FAM114A2: variants seen among roughly 807,000 people sequenced by gnomAD.
FAM114A2 encodes family with sequence similarity 114 member A2, also known as protein FAM114A2.
Under a neutral mutation model 58.4 loss-of-function variants are expected in FAM114A2, and 53 were observed. The observed-to-expected ratio is 0.91, with a 90% CI of 0.73 to 1.14. FAM114A2 has a LOEUF of 1.14. Among genes scored for constraint, FAM114A2 ranks in the 50% most tolerant of loss-of-function variants. The pLI, the probability that FAM114A2 is intolerant of heterozygous loss-of-function variation, is 0.00. For synonymous variants in FAM114A2, 228 were observed against 211.4 expected, an observed-to-expected ratio of 1.08 and a Z score of -0.68; for missense variants, 601 against 581.1, an observed-to-expected ratio of 1.03 and a Z score of -0.35.
At chr5:154,037,419 T>C (rs1353130668) in intron 1 of FAM114A2, 1 of 152,204 alleles carries the variant, frequency 6.6e-6, no homozygotes, top group Non-Finnish European at 1.5e-5. Flanking sequence ...CAAACATTTT[T>C]TGAGTACCTA....
Position 154,007,536 on chromosome 5 carries a change from C to G in FAM114A2, c.993+3705G>C, listed in dbSNP as rs142781244. On this transcript the variant is annotated intron_variant, in intron 9 of 13. Coordinates refer to ENST00000351797, the MANE Select transcript of FAM114A2 (RefSeq NM_018691.4). ...CTTAACCAATCTACATCTTAAGTCT[C>G]AATGCCTAAAATTTAAACAATCTGA... Among the ~76,000 whole-genome samples, 528 of 152,248 alleles carry G rather than the reference C, an allele frequency of 3.5e-3. 7 individuals are homozygous for G. The highest frequency in any genetic ancestry group is 0.012 in the African/African-American group (501 of 41,554).
intron 11 of FAM114A2, among the ~76,000 whole-genome samples, chr5:153,998,370 T>C (rs1457952684): frequency 6.6e-6 from 1 of 152,200 alleles, no homozygotes; most frequent in South Asian, 2.1e-4. Context: ...AAAATTCATG[T>C]TGAAATTTGA....
chr5:154,013,184 T>C (rs997385042), intron 8 of FAM114A2, among the ~76,000 whole-genome samples: 16 of 152,186 alleles, frequency 1.1e-4, no homozygotes, highest in African/African-American at 3.9e-4. Flanking sequence ...AAAAAGTAGT[T>C]ATTGCATTAG....
At chr5:154,024,108 T>C (rs117811973) in intron 8 of FAM114A2, among the ~76,000 whole-genome samples, 1 of 152,116 alleles carries the variant, frequency 6.6e-6, no homozygotes, top group Non-Finnish European at 1.5e-5. Flanking sequence ...GATGAACAGA[T>C]AAATGAACAG....
At chr5:154,007,565 T>C (rs1031927449) in intron 9 of FAM114A2, among the ~76,000 whole-genome samples, 9 of 152,140 alleles carry the variant, frequency 5.9e-5, no homozygotes, top group Non-Finnish European at 7.4e-5. Context: ...AATCTGAAGA[T>C]TGCTTTCAGA....
chr5:154,013,307 G>A lies in FAM114A2; in HGVS notation c.914-1987C>T, dbSNP rs555048175. ...GGAGTCAGGTACATATGGTAGAGGG[G>A]CAAGAGCCCAGGATGCTCATGGAAA... is the stretch of plus-strand genomic sequence containing the variant. On this transcript the variant is annotated intron_variant, in intron 8 of 13. Coordinates refer to ENST00000351797, the MANE Select transcript of FAM114A2 (RefSeq NM_018691.4). Among the ~76,000 whole-genome samples, 4 of 152,300 alleles carry A rather than the reference G, an allele frequency of 2.6e-5. No homozygotes were observed. The South Asian group carries it at 8.3e-4, about 32-fold the overall frequency.
intron 9 of FAM114A2, 107 bp downstream of exon 9, chr5:154,011,134 C>T: frequency 1.2e-6 from 1 of 807,982 alleles, no homozygotes; most frequent in South Asian, 1.7e-5. Flanking sequence ...CGAGAATATA[C>T]CTTCGATTTT....
chr5:154,026,412 T>C lies in FAM114A2; in HGVS notation c.900A>G (p.Glu300=). The stretch of plus-strand genomic sequence containing the variant: ...TTTTCATATTACCTTTTTTCTCTTC[T>C]TCCTCTTCTTCACAAAATTCTGCTA... ...FSLAEFCEEE[E]EEKKGDEDFT... Residue 300 remains glutamate (E), a synonymous_variant, in exon 8 of 14, where the codon GAA becomes GAG. Coordinates refer to ENST00000351797, the MANE Select transcript of FAM114A2 (RefSeq NM_018691.4). 6 of 1,575,812 alleles carry C rather than the reference T, an allele frequency of 3.8e-6. No individual in the cohort carries two copies. The highest frequency in any genetic ancestry group is 5.2e-6 in the Non-Finnish European group (6 of 1,164,890).
rs550689627 is a variant in FAM114A2, at chr5:154,003,089, C to T, written c.994-120G>A. 5.0e-6 allele frequency: 4 copies of T among 798,732 alleles called. No homozygotes were observed. The African/African-American group carries it at 6.9e-5, about 14-fold the overall frequency. The allele number at this position is 798,732 out of a possible 1,614,324, so 49.5% of individuals were successfully genotyped here. On this transcript the variant is annotated intron_variant, in intron 9 of 13. Coordinates refer to ENST00000351797, the MANE Select transcript of FAM114A2 (RefSeq NM_018691.4). ...GGCTCCTGTTCTTACCTGAACGTAC[C>T]ATCTAGCTTTTCAGTCCTTATCCTA...
At chr5:154,032,072 G>A (rs1384733075) in intron 4 of FAM114A2, among the ~76,000 whole-genome samples, 6 of 152,146 alleles carry the variant, frequency 3.9e-5, no homozygotes, top group African/African-American at 7.2e-5. Flanking sequence ...CCTTTTACAC[G>A]TAAAATGTGG....
At chr5:154,007,315 CTTAT>C (rs1462225279) in intron 9 of FAM114A2, among the ~76,000 whole-genome samples, 1 of 152,138 alleles carries the variant, frequency 6.6e-6, no homozygotes, top group Non-Finnish European at 1.5e-5. Flanking sequence ...TCTCCAAAAG[CTTAT>C]TTATTTCCAA....
chr5:154,006,985 C>T (rs934260113), intron 9 of FAM114A2, among the ~76,000 whole-genome samples: 6 of 151,832 alleles, frequency 4.0e-5, no homozygotes, highest in South Asian at 2.1e-4. Context: ...TTAATACAGA[C>T]GGAGTTTCAC....
At chr5:154,028,819 G>A (rs1283645847) in intron 5 of FAM114A2, among the ~76,000 whole-genome samples, 1 of 152,112 alleles carries the variant, frequency 6.6e-6, no homozygotes, top group Admixed American at 6.6e-5. Context: ...TATGATGGTG[G>A]AAGTCAGGAT....
Position 154,002,362 on chromosome 5 carries a change from A to G in FAM114A2, c.1145T>C (p.Leu382Pro). Reference protein sequence around the residue: ...EDIHAFAIRSLAELTACSIEL... With the variant: ...EDIHAFAIRSPAELTACSIEL... ...AATTGAGCAGGCAGTCAGTTCAGCC[A>G]GGCTCCGGATTGCAAACGCATGGAT... is the stretch of plus-strand genomic sequence containing the variant. The change falls in exon 11 of 14, where the codon CTG becomes CCG. Residue 382 changes from leucine to proline, a missense_variant. Transcript: ENST00000351797. 6.2e-7 allele frequency: 1 copy of G among 1,613,836 alleles called. No individual in the cohort carries two copies. Among genetic ancestry groups the G allele is most frequent in the Non-Finnish European group, 8.5e-7 (1 of 1,179,876 alleles).
intron 8 of FAM114A2, among the ~76,000 whole-genome samples, chr5:154,025,342 A>AG (rs1234839522): frequency 7.9e-5 from 12 of 152,148 alleles, no homozygotes; most frequent in Non-Finnish European, 1.5e-4. Flanking sequence ...TGACACTAGT[A>AG]GAGTCTGCTA....
At chr5:154,031,310 T>C (rs1329183930) in intron 4 of FAM114A2, among the ~76,000 whole-genome samples, 2 of 3,750 alleles carry the variant, frequency 5.3e-4, no homozygotes, top group African/African-American at 2.7e-3. Context: ...AGACTCCCTC[T>C]CCAAAAAAAA....
At chr5:154,006,796 ATTTT>A (rs11318237) in intron 9 of FAM114A2, among the ~76,000 whole-genome samples, 2 of 129,836 alleles carry the variant, frequency 1.5e-5, no homozygotes, top group Non-Finnish European at 1.7e-5. Flanking sequence ...CCCAAAGGAG[ATTTT>A]TTTTTTTTTT....
At chr5:154,036,960 C>T (rs959885222) in intron 1 of FAM114A2, 2 of 152,242 alleles carry the variant, frequency 1.3e-5, no homozygotes, top group African/African-American at 4.8e-5. Context: ...TAAATAGCCG[C>T]TGGGCCCTTT....
At chr5:154,034,219 T>C (rs2113508851) in intron 3 of FAM114A2, 59 bp downstream of exon 3, 4 of 1,040,182 alleles carry the variant, frequency 3.8e-6, no homozygotes, top group Non-Finnish European at 5.7e-6. Context: ...TCATATGCAA[T>C]GCAGATCTGT....
Sources: allele counts gnomAD v4.1 joint callset (sites outside exome capture counted in the v4.1 genomes callset), GRCh38; gene constraint gnomAD v4.1.1; transcripts MANE v1.5; gene names NCBI Gene and HGNC (gene_info 2026-07-23, HGNC 2026-07-21).